Variants in RBM47 observed in about 807,000 individuals in gnomAD.
The protein encoded by RBM47 is RNA-binding protein 47.
Under a neutral mutation model 47.1 loss-of-function variants are expected in RBM47, and 21 were observed. That is an observed-to-expected ratio of 0.45 (90% CI 0.32 to 0.64). RBM47 has a LOEUF of 0.64. RBM47 is among the 30% of genes least tolerant of loss of function. The probability of loss-of-function intolerance (pLI) is 0.05; values close to 1 mark genes in which losing one functional copy is unlikely to be tolerated. For synonymous variants in RBM47, 375 were observed against 361.7 expected, an observed-to-expected ratio of 1.04 and a Z score of -0.42; for missense variants, 708 against 870.9, an observed-to-expected ratio of 0.81 and a Z score of 2.35.
At chr4:40,509,917 T>G (rs933352401) in intron 2 of RBM47, among the ~76,000 whole-genome samples, 6 of 148,814 alleles carry the variant, frequency 4.0e-5, no homozygotes, top group Non-Finnish European at 8.9e-5. Flanking sequence ...CCAGGTGCAG[T>G]GGCTCACGCC....
intron 1 of RBM47, among the ~76,000 whole-genome samples, chr4:40,589,896 C>T (rs964542089): frequency 6.6e-6 from 1 of 152,186 alleles, no homozygotes; most frequent in African/African-American, 2.4e-5. Flanking sequence ...GGCAATGAGA[C>T]AGGCGGCGGC....
At chr4:40,616,463 A>C (rs1736743675) in intron 1 of RBM47, among the ~76,000 whole-genome samples, 1 of 152,058 alleles carries the variant, frequency 6.6e-6, no homozygotes, top group African/African-American at 2.4e-5. Context: ...TTTTTTTAGA[A>C]TAATCTCTGC....
intron 1 of RBM47, among the ~76,000 whole-genome samples, chr4:40,618,780 G>A (rs1447713676): frequency 8.3e-6 from 1 of 120,848 alleles, no homozygotes; most frequent in African/African-American, 3.2e-5. Flanking sequence ...CTGCACTCCA[G>A]CCTAGGCAAC....
In RBM47 at chr4:40,426,607, T is replaced by G. The variant is rs560424462; in HGVS notation, c.1543-464A>C. Among the ~76,000 whole-genome samples the G allele has an allele frequency of 2.6e-5, 4 of 152,304 alleles. No homozygotes were observed. The South Asian group carries it at 8.3e-4, about 32-fold the overall frequency. The stretch of plus-strand genomic sequence containing the variant: ...CAGGGCTGGTCTTGAACTCCTGGCC[T>G]CAAGCAATCCTCCTGTCTCAGCCTC... On this transcript the variant is annotated intron_variant, in intron 6 of 6. Coordinates refer to ENST00000295971, the MANE Select transcript of RBM47 (RefSeq NM_001098634.2).
At chr4:40,524,552 C>T (rs1189300331) in intron 2 of RBM47, among the ~76,000 whole-genome samples, 2 of 152,174 alleles carry the variant, frequency 1.3e-5, no homozygotes, top group Non-Finnish European at 2.9e-5. Context: ...CCGTGTGTGT[C>T]AAGGAATTCT....
At chr4:40,519,818 C>T (rs542654950) in intron 2 of RBM47, among the ~76,000 whole-genome samples, 108 of 151,956 alleles carry the variant, frequency 7.1e-4, no homozygotes, top group African/African-American at 2.3e-3. Flanking sequence ...AACAGGCGCC[C>T]GCCACCATGC....
intron 1 of RBM47, among the ~76,000 whole-genome samples, chr4:40,601,907 G>T (rs974921369): frequency 1.3e-5 from 2 of 152,200 alleles, no homozygotes; most frequent in African/African-American, 4.8e-5. Flanking sequence ...GGTGGCTCAC[G>T]CCTGTAACCC....
chr4:40,463,157 G>GAAGATATACATTATACATCCGCA (rs1266146860), intron 3 of RBM47, among the ~76,000 whole-genome samples: 32 of 152,136 alleles, frequency 2.1e-4, no homozygotes, highest in African/African-American at 7.5e-4. Flanking sequence ...TTTTTCCAAG[G>GAAGATATACATTATACATCCGCA]AAGATATACA....
At chr4:40,561,228 T>C (rs1018655181) in intron 1 of RBM47, among the ~76,000 whole-genome samples, 22 of 69,300 alleles carry the variant, frequency 3.2e-4, no homozygotes, top group Non-Finnish European at 5.7e-4. Flanking sequence ...TTCCATTGTC[T>C]TTTTTTTTTT....
intron 3 of RBM47, among the ~76,000 whole-genome samples, chr4:40,466,222 C>G (rs574846215): frequency 6.9e-6 from 1 of 144,496 alleles, no homozygotes; most frequent in African/African-American, 2.6e-5. Context: ...GAGCTGAGAT[C>G]GTGCCACTGC....
At chr4:40,610,208 C>G (rs1420021805) in intron 1 of RBM47, among the ~76,000 whole-genome samples, 1 of 152,204 alleles carries the variant, frequency 6.6e-6, no homozygotes, top group Admixed American at 6.5e-5. Context: ...CTACATAACC[C>G]TAGGCAAGTT....
chr4:40,487,696 A>G (rs1490204028), intron 2 of RBM47, among the ~76,000 whole-genome samples: 1 of 152,222 alleles, frequency 6.6e-6, no homozygotes, highest in Non-Finnish European at 1.5e-5. Flanking sequence ...TACACAAAGA[A>G]TAAGAATGGC....
chr4:40,444,855 G>A (rs1035637242), intron 3 of RBM47, among the ~76,000 whole-genome samples: 59 of 151,812 alleles, frequency 3.9e-4, no homozygotes, highest in African/African-American at 1.4e-3. Flanking sequence ...AGTAGAGATG[G>A]GGTTTCACCA....
chr4:40,441,381 G>C (rs746695357), intron 3 of RBM47, among the ~76,000 whole-genome samples: 5 of 151,792 alleles, frequency 3.3e-5, no homozygotes, highest in Non-Finnish European at 7.4e-5. Flanking sequence ...GCCTCCCAAA[G>C]TGCTAGGATT....
chr4:40,437,110 T>TATATAA (rs1434102827), intron 4 of RBM47, among the ~76,000 whole-genome samples: 1,234 of 59,560 alleles, frequency 0.021, 128 homozygotes, highest in African/African-American at 0.027. Flanking sequence ...TATATATATA[T>TATATAA]AAAATACATA....
Position 40,499,713 on chromosome 4 carries a change from T to C in RBM47, c.-154-33014A>G, listed in dbSNP as rs147547520. ...ATGAGGCACCGCGCTCAGCCTGTTATTAGAATTTAAAAAATTAAGTTCTAT... is the reference window on the plus strand; with the variant it reads ...ATGAGGCACCGCGCTCAGCCTGTTACTAGAATTTAAAAAATTAAGTTCTAT... On this transcript the variant is annotated intron_variant, in intron 2 of 6. Coordinates refer to ENST00000295971, the MANE Select transcript of RBM47 (RefSeq NM_001098634.2). Among the ~76,000 whole-genome samples the C allele has an allele frequency of 4.5e-3, 691 of 152,344 alleles. 5 individuals carry two copies. The highest frequency in any genetic ancestry group is 6.7e-3 in the Non-Finnish European group (459 of 68,044).
intron 2 of RBM47, among the ~76,000 whole-genome samples, chr4:40,507,438 T>C (rs1257036343): frequency 1.3e-5 from 2 of 152,228 alleles, no homozygotes; most frequent in Admixed American, 6.5e-5. Flanking sequence ...AGTTTTTGAA[T>C]ATATTAATAC....
At chr4:40,577,874 G>GGTGGTGC (rs1732491232) in intron 1 of RBM47, among the ~76,000 whole-genome samples, 1 of 152,164 alleles carries the variant, frequency 6.6e-6, no homozygotes, top group Non-Finnish European at 1.5e-5. Flanking sequence ...AGCTAGGAGC[G>GGTGGTGC]GTGGTGCGTG....
chr4:40,579,201 T>C (rs1488104609), intron 1 of RBM47, among the ~76,000 whole-genome samples: 1 of 150,202 alleles, frequency 6.7e-6, no homozygotes, highest in Non-Finnish European at 1.5e-5. Flanking sequence ...GACTGGCGGA[T>C]CACGAGGTCA....
Sources: gnomAD v4.1 joint callset for allele counts (sites outside exome capture counted in the v4.1 genomes callset) on GRCh38, gnomAD v4.1.1 for gene constraint, MANE v1.5 for transcripts, NCBI Gene and HGNC (gene_info 2026-07-23, HGNC 2026-07-21) for gene names.